Variants in ARMC1 observed in about 807,000 individuals in gnomAD.
ARMC1 encodes the protein armadillo repeat-containing protein 1.
A neutral mutation model predicts 31.4 loss-of-function variants in ARMC1; 16 were observed. The observed-to-expected ratio is 0.51, with a 90% CI of 0.34 to 0.77. ARMC1 has a LOEUF of 0.77. Ranked by LOEUF, ARMC1 falls within the 30% of genes least tolerant of loss-of-function variation. The pLI, the probability that ARMC1 is intolerant of heterozygous loss-of-function variation, is 0.01. For synonymous variants in ARMC1, 114 were observed against 118.9 expected (o/e 0.96, Z 0.27); for missense variants, 259 against 347.5 (o/e 0.75, Z 2.02).
chr8:65,606,120 TG>T (rs1339499397), intron 4 of ARMC1, among the ~76,000 whole-genome samples: 2 of 152,120 alleles, frequency 1.3e-5, no homozygotes, highest in Non-Finnish European at 2.9e-5. Context: ...CCCAGCACTT[TG>T]GGAGGCTGAG....
intron 2 of ARMC1, among the ~76,000 whole-genome samples, chr8:65,626,269 T>G (rs982408667): frequency 6.6e-6 from 1 of 152,048 alleles, no homozygotes; most frequent in Non-Finnish European, 1.5e-5. Flanking sequence ...TAGTAGTTGC[T>G]TAGGGACAGG....
intron 4 of ARMC1, among the ~76,000 whole-genome samples, chr8:65,612,167 A>G (rs1053858795): frequency 1.3e-5 from 2 of 152,172 alleles, no homozygotes; most frequent in Non-Finnish European, 2.9e-5. Flanking sequence ...ATTACTTTAG[A>G]AATGTGCTAT....
intron 6 of ARMC1, 130 bp from the exon 7 acceptor site, chr8:65,604,715 C>T (rs1807965467): frequency 1.4e-6 from 1 of 716,868 alleles, no homozygotes; most frequent in Non-Finnish European, 2.3e-6. Context: ...TGTGTCAATA[C>T]AGAAAGGAGT....
chr8:65,609,157 G>A (rs182408482), intron 4 of ARMC1, among the ~76,000 whole-genome samples: 217 of 143,766 alleles, frequency 1.5e-3, no homozygotes, highest in African/African-American at 5.0e-3. Context: ...TTTTTGAGAC[G>A]GAATCTCGCT....
At position 65,602,887 on chromosome 8, in the gene ARMC1, A is replaced by C. The variant is rs1336786371; in HGVS notation, c.*1507T>G. On this transcript the variant is annotated 3_prime_UTR_variant, in exon 7 of 7. Coordinates refer to ENST00000276569, the MANE Select transcript of ARMC1 (RefSeq NM_018120.6). The stretch of plus-strand genomic sequence containing the variant: ...ATCAGAAACCAAACACATGTAAAAA[A>C]ATATCATCCTCAATGCCCCCCATTA... 2.0e-5 allele frequency: 3 copies of C among 151,970 alleles called. No homozygotes were observed. The highest frequency in any genetic ancestry group is 1.5e-5 in the Non-Finnish European group (1 of 67,972). The allele number at this position is 151,970 out of a possible 1,614,324, so 9.4% of individuals were successfully genotyped here.
At chr8:65,624,306 C>G (rs189744417) in intron 2 of ARMC1, among the ~76,000 whole-genome samples, 1 of 151,304 alleles carries the variant, frequency 6.6e-6, no homozygotes, top group African/African-American at 2.4e-5. Context: ...CAAGACCAGC[C>G]TGGCCAACAT....
At chr8:65,625,352 C>T (rs879783490) in intron 2 of ARMC1, among the ~76,000 whole-genome samples, 15 of 152,162 alleles carry the variant, frequency 9.9e-5, no homozygotes, top group Non-Finnish European at 1.6e-4. Flanking sequence ...AAGTACTTGG[C>T]TCTGTGAGCC....
intron 6 of ARMC1, among the ~76,000 whole-genome samples, chr8:65,604,796 TG>T (rs1807966682): frequency 6.6e-6 from 1 of 152,218 alleles, no homozygotes; most frequent in East Asian, 1.9e-4. Flanking sequence ...AACCGCTCTC[TG>T]TGTAATAATG....
intron 4 of ARMC1, among the ~76,000 whole-genome samples, chr8:65,611,229 C>T (rs867012533): frequency 6.6e-6 from 1 of 152,154 alleles, no homozygotes; most frequent in African/African-American, 2.4e-5. Flanking sequence ...CCACCATGCC[C>T]GGCCCTCACT....
intron 4 of ARMC1, among the ~76,000 whole-genome samples, chr8:65,608,464 G>T (rs553736703): frequency 2.0e-5 from 3 of 151,794 alleles, no homozygotes; most frequent in African/African-American, 4.8e-5. Flanking sequence ...AGGGGGTGGA[G>T]GTTGCAGTGA....
At chr8:65,621,428 A>C (rs1808391677) in intron 3 of ARMC1, among the ~76,000 whole-genome samples, 1 of 152,192 alleles carries the variant, frequency 6.6e-6, no homozygotes, top group South Asian at 2.1e-4. Flanking sequence ...TTTACTACAA[A>C]ATTATATTAC....
intron 4 of ARMC1, among the ~76,000 whole-genome samples, chr8:65,607,710 C>A (rs2129040995): frequency 6.6e-6 from 1 of 152,138 alleles, no homozygotes; most frequent in South Asian, 2.1e-4. Context: ...AATAAAGTTC[C>A]AAAATCATCA....
chr8:65,613,351 T>C lies in ARMC1; in HGVS notation c.358A>G (p.Ser120Gly). The change falls in exon 4 of 7, where the codon AGT becomes GGT. Residue 120 changes from serine (S) to glycine (G), a missense_variant. Physicochemically the swap from Ser to Gly is moderately conservative, Grantham distance 56 (BLOSUM62 0). Transcript: ENST00000276569. ...CGACGTGAATTCATCTCATTAAAAC[T>C]ATCACCATCTGCCATATTGGAGGAC... ...LQSSNMADGD[S>G]FNEMNSRRRK... 1 of 1,612,508 alleles carries C rather than the reference T, an allele frequency of 6.2e-7. No homozygotes were observed.
At chr8:65,632,981 T>G (rs1444966373) in intron 1 of ARMC1, 1 of 152,238 alleles carries the variant, frequency 6.6e-6, no homozygotes, top group East Asian at 1.9e-4. Context: ...ATGAGCACTC[T>G]GGTCAGTTAA....
chr8:65,608,806 G>A (rs1420016171), intron 4 of ARMC1, among the ~76,000 whole-genome samples: 1 of 151,430 alleles, frequency 6.6e-6, no homozygotes, highest in Non-Finnish European at 1.5e-5. Flanking sequence ...CTACTTGGGA[G>A]GCTGAGGCAG....
chr8:65,609,551 C>G (rs1808076636), intron 4 of ARMC1, among the ~76,000 whole-genome samples: 1 of 152,090 alleles, frequency 6.6e-6, no homozygotes, highest in African/African-American at 2.4e-5. Flanking sequence ...AGCCTAAGCA[C>G]CTAAACACAA....
intron 1 of ARMC1, among the ~76,000 whole-genome samples, chr8:65,630,164 C>T (rs574850505): frequency 2.6e-4 from 39 of 152,040 alleles, no homozygotes; most frequent in African/African-American, 8.4e-4. Context: ...AGAAAAAAAT[C>T]GCTGTGAGTA....
intron 3 of ARMC1, among the ~76,000 whole-genome samples, chr8:65,614,065 A>C (rs1808200397): frequency 6.6e-6 from 1 of 152,226 alleles, no homozygotes; most frequent in Non-Finnish European, 1.5e-5. Context: ...TTCAACTCTC[A>C]ATTTGAAAGT....
chr8:65,619,626 C>G (rs10957361), intron 3 of ARMC1, among the ~76,000 whole-genome samples: 96,510 of 151,762 alleles, frequency 0.64, 30,897 homozygotes, highest in African/African-American at 0.69. Context: ...ATAGGAGGAT[C>G]ACTTGAGTCC....
Sources: gnomAD v4.1 joint callset for allele counts (sites outside exome capture counted in the v4.1 genomes callset) on GRCh38, gnomAD v4.1.1 for gene constraint, MANE v1.5 for transcripts, NCBI Gene and HGNC (gene_info 2026-07-23, HGNC 2026-07-21) for gene names.